Variants in ZGLP1 observed in about 807,000 individuals in gnomAD.
The protein encoded by ZGLP1 is GATA-type zinc finger protein 1.
Under a neutral mutation model 21.4 loss-of-function variants are expected in ZGLP1, and 11 were observed. The observed-to-expected ratio is 0.51, with a 90% CI of 0.32 to 0.85. The LOEUF (loss-of-function observed/expected upper bound fraction) is 0.85, where lower values mean the gene tolerates loss of function less well. Among genes scored for constraint, ZGLP1 ranks in the 40% least tolerant of loss-of-function variants. The pLI, the probability that ZGLP1 is intolerant of heterozygous loss-of-function variation, is 0.03. For missense variants in ZGLP1, 295 were observed against 355.6 expected (o/e 0.83, Z 1.37); for synonymous variants, 148 against 145.0 (o/e 1.02, Z -0.15).
exon 1 of ZGLP1, chr19:10,308,326 G>A: frequency 1.2e-6 from 2 of 1,610,932 alleles, no homozygotes; most frequent in Non-Finnish European, 1.7e-6. Context: ...TGGGGCCGAG[G>A]GAGTCCCCGG....
At chr19:10,307,348 T>C (rs1163947137) in intron 1 of ZGLP1, among the ~76,000 whole-genome samples, 1 of 17,668 alleles carries the variant, frequency 5.7e-5, no homozygotes, top group African/African-American at 1.1e-3. Context: ...TCCCAAAGCT[T>C]TTTTTTTTTT....
intron 1 of ZGLP1, among the ~76,000 whole-genome samples, chr19:10,306,469 C>G (rs559554821): frequency 1.3e-5 from 2 of 152,150 alleles, no homozygotes; most frequent in South Asian, 4.1e-4. Context: ...CTGCCAGGTT[C>G]CAATCCCAGT....
Position 10,305,257 on chromosome 19 carries a change from G to A in ZGLP1, c.699-49C>T, listed in dbSNP as rs927542154. 18 of 1,588,478 alleles carry A rather than the reference G, an allele frequency of 1.1e-5. No homozygotes were observed. Among genetic ancestry groups the A allele is most frequent in the African/African-American group, 6.7e-5 (5 of 74,362 alleles). ...GCCATTTAGGATGCAGTGGGGGCCC[G>A]GAAACCGCCACAAGGAAACCACTTT... On this transcript the variant is annotated intron_variant, in intron 3 of 3. Transcript: ENST00000403903. The surrounding 1 kb of genome is among the most constrained non-coding windows in gnomAD (Gnocchi z 4.7).
intron 1 of ZGLP1, 25 bp downstream of exon 2, chr19:10,308,160 C>T (rs372320410): frequency 3.3e-6 from 5 of 1,512,776 alleles, no homozygotes; most frequent in South Asian, 1.3e-5. Flanking sequence ...GGAGAAAGGG[C>T]GGCCTGGCCC....
rs2040289938 is a variant in ZGLP1, at chr19:10,308,175, C to T, written c.497+10G>A. 3 of 1,517,196 alleles carry T rather than the reference C, an allele frequency of 2.0e-6. No individual in the cohort carries two copies. Among genetic ancestry groups the T allele is most frequent in the South Asian group, 2.6e-5 (2 of 76,740 alleles). 94.0% of individuals were successfully genotyped at this position (1,517,196 alleles called of 1,614,324 possible). A position where few individuals can be genotyped will look rare whatever the true frequency, so the allele number is the denominator to read the frequency against. On this transcript the variant is annotated intron_variant, in intron 1 of 3. Transcript: ENST00000403903. Reference sequence around the variant, plus strand: ...GGAGAAAGGGCGGCCTGGCCCCAGCCGGCCCCTACCTGTACGTGGGGATGA... The same window carrying T: ...GGAGAAAGGGCGGCCTGGCCCCAGCTGGCCCCTACCTGTACGTGGGGATGA...
At chr19:10,306,828 C>A (rs1445574345) in intron 1 of ZGLP1, among the ~76,000 whole-genome samples, 1 of 151,706 alleles carries the variant, frequency 6.6e-6, no homozygotes, top group Non-Finnish European at 1.5e-5. Context: ...AACAAACAAA[C>A]AAACAAAAGC....
At chr19:10,308,700 G>C in exon 1 of ZGLP1, 7 of 1,477,686 alleles carry the variant, frequency 4.7e-6, no homozygotes, top group Non-Finnish European at 6.3e-6. Flanking sequence ...CTGGGTGGAA[G>C]GTTTAAGAGT....
At position 10,304,881 on chromosome 19, in the gene ZGLP1, C is replaced by A. The variant is rs997484765; in HGVS notation, c.*210G>T. 8.6e-6 allele frequency: 5 copies of A among 583,466 alleles called. No individual in the cohort carries two copies. In the South Asian group the frequency reaches 1.1e-4, roughly 12 times the overall value. 36.1% of individuals were successfully genotyped at this position (583,466 alleles called of 1,614,324 possible). Reference sequence around the variant, plus strand: ...CTGAGAGCGTCTCCTGAGGGGGCCTCGGCCAAGGCTGACTGGAGAAGGGGC... The same window carrying A: ...CTGAGAGCGTCTCCTGAGGGGGCCTAGGCCAAGGCTGACTGGAGAAGGGGC... On this transcript the variant is annotated 3_prime_UTR_variant, in exon 4 of 4. Transcript: ENST00000403903.
chr19:10,305,552 G>T lies in ZGLP1; in HGVS notation c.605-69C>A. The T allele has an allele frequency of 7.2e-7, 1 of 1,395,744 alleles. No individual in the cohort carries two copies. The highest frequency in any genetic ancestry group is 9.9e-7 in the Non-Finnish European group (1 of 1,006,162). The allele number at this position is 1,395,744 out of a possible 1,614,324, so 86.5% of individuals were successfully genotyped here. On this transcript the variant is annotated intron_variant, in intron 2 of 3. Coordinates refer to ENST00000403903, the Ensembl canonical transcript of ZGLP1. The surrounding 1 kb of genome is among the most constrained non-coding windows in gnomAD (Gnocchi z 4.7). ...TGTGAGCTCGGGATGCCTGTGCGGA[G>T]TCGGGCATTTTGTGGGGGTCTCAGT...
Position 10,305,489 on chromosome 19 carries a change from G to A in ZGLP1, c.605-6C>T, listed in dbSNP as rs1169720326. 6.3e-7 allele frequency: 1 copy of A among 1,589,894 alleles called. No individual in the cohort carries two copies. The highest frequency in any genetic ancestry group is 2.3e-5 in the East Asian group (1 of 44,078). On this transcript the variant is annotated splice_region_variant and splice_polypyrimidine_tract_variant and intron_variant, in intron 2 of 3. Transcript: ENST00000403903. The surrounding 1 kb of genome is among the most constrained non-coding windows in gnomAD (Gnocchi z 4.7). ...GGAAGCACAGCGCCGGGGCTCTGAA[G>A]GGTCAGAGGTCAAAGGGCAGGGGTC...
At chr19:10,309,349 C>G (rs1173174492) in exon 1 of ZGLP1, 1 of 152,822 alleles carries the variant, frequency 6.5e-6, no homozygotes, top group East Asian at 1.9e-4. Flanking sequence ...CCTTACGCAC[C>G]TCTCACTGAT....
chr19:10,305,765 AG>A lies in ZGLP1; in HGVS notation c.604+80del, dbSNP rs531257270. The A allele has an allele frequency of 2.4e-4, 270 of 1,105,366 alleles. 1 individual carries two copies. The highest frequency in any genetic ancestry group is 4.0e-4 in the Middle Eastern group (2 of 5,058). The allele number at this position is 1,105,366 out of a possible 1,614,324, so 68.5% of individuals were successfully genotyped here. On this transcript the variant is annotated intron_variant, in intron 2 of 3. Transcript: ENST00000403903. This position sits in a 1 kb window ranked among gnomAD's most constrained non-coding sequence, Gnocchi z 4.7. ...TCTAAATGGGGAAGCAAGATGGAGA[AG>A]GGGGGGGCAGGGAGAAAGGCAGGGA...
exon 1 of ZGLP1, chr19:10,309,258 C>T (rs1212645933): frequency 6.5e-6 from 1 of 152,704 alleles, no homozygotes; most frequent in African/African-American, 2.4e-5. Flanking sequence ...TTCTCGATAA[C>T]CCCAGCAAAG....
In ZGLP1 at chr19:10,305,669, A is replaced by C; in HGVS notation, c.604+177T>G. 1.4e-6 allele frequency: 1 copy of C among 735,950 alleles called. No homozygotes were observed. 45.6% of individuals were successfully genotyped at this position (735,950 alleles called of 1,614,324 possible). A position where few individuals can be genotyped will look rare whatever the true frequency, so the allele number is the denominator to read the frequency against. On this transcript the variant is annotated intron_variant, in intron 2 of 3. Coordinates refer to ENST00000403903, the Ensembl canonical transcript of ZGLP1. This position sits in a 1 kb window ranked among gnomAD's most constrained non-coding sequence, Gnocchi z 4.7. ...AGGGAGACAGATGGCAGCATTCCGC[A>C]GAGGAGGAAGCTGGGGGTGGGGGTG...
chr19:10,308,793 C>T (rs2040295307), exon 1 of ZGLP1: 2 of 1,050,006 alleles, frequency 1.9e-6, no homozygotes, highest in African/African-American at 3.2e-5. Context: ...CTTACGGCAC[C>T]CGTAGATCAC....
exon 1 of ZGLP1, chr19:10,308,327 G>A (rs267605270): frequency 8.7e-6 from 14 of 1,610,834 alleles, no homozygotes; most frequent in South Asian, 1.1e-5. Flanking sequence ...GGGGCCGAGG[G>A]AGTCCCCGGG....
chr19:10,304,811 T>C (rs555194008), exon 4 of ZGLP1: 1 of 425,792 alleles, frequency 2.3e-6, no homozygotes, highest in East Asian at 4.0e-5. Flanking sequence ...TCTCTCGGCA[T>C]ATCTCTGTAC....
chr19:10,306,630 C>T (rs2040281370), intron 1 of ZGLP1, among the ~76,000 whole-genome samples: 1 of 151,686 alleles, frequency 6.6e-6, no homozygotes, highest in African/African-American at 2.4e-5. Flanking sequence ...GGAGTCTGGG[C>T]AATATAGGGA....
Position 10,305,077 on chromosome 19 carries a change from G to A in ZGLP1, c.*14C>T. 6.3e-7 allele frequency: 1 copy of A among 1,588,242 alleles called. No homozygotes were observed. The highest frequency in any genetic ancestry group is 8.6e-7 in the Non-Finnish European group (1 of 1,156,582). ...CGGAGGCAGAAGCAGCAGCTCAGCAGGGTGAAGCTGGGTTTAACCTTCCTG... is the reference window on the plus strand; with the variant it reads ...CGGAGGCAGAAGCAGCAGCTCAGCAAGGTGAAGCTGGGTTTAACCTTCCTG... On this transcript the variant is annotated 3_prime_UTR_variant, in exon 4 of 4. Coordinates refer to ENST00000403903, the Ensembl canonical transcript of ZGLP1. The surrounding 1 kb of genome is among the most constrained non-coding windows in gnomAD (Gnocchi z 4.7).
Sources: allele counts gnomAD v4.1 joint callset (sites outside exome capture counted in the v4.1 genomes callset), GRCh38; gene constraint gnomAD v4.1.1; non-coding constraint Gnocchi (gnomAD v3.1); transcripts MANE v1.5; gene names NCBI Gene and HGNC (gene_info 2026-07-23, HGNC 2026-07-21).